The following RNF125 variants were observed in gnomAD, a reference collection of about 807,000 sequenced individuals.
RNF125 encodes the protein E3 ubiquitin-protein ligase RNF125.
In RNF125, 21 loss-of-function variants were observed where a neutral mutation model predicts 26.0. The observed-to-expected ratio is 0.81, with a 90% CI of 0.57 to 1.16. The LOEUF is 1.16. RNF125 is among the 50% of genes most tolerant of loss of function. The pLI, the probability that RNF125 is intolerant of heterozygous loss-of-function variation, is 0.00. For synonymous variants in RNF125, 95 were observed against 109.2 expected, an observed-to-expected ratio of 0.87 and a Z score of 0.81; for missense variants, 270 against 299.4, an observed-to-expected ratio of 0.90 and a Z score of 0.72.
downstream of RNF125, chr18:32,075,873 T>C (rs2039566884): frequency 4.3e-6 from 4 of 927,100 alleles, no homozygotes; most frequent in African/African-American, 1.6e-5. Flanking sequence ...TTTGTAAATA[T>C]ATATTACATC....
At chr18:32,030,673 G>C (rs1347887901) in intron 1 of RNF125, among the ~76,000 whole-genome samples, 1 of 152,198 alleles carries the variant, frequency 6.6e-6, no homozygotes, top group African/African-American at 2.4e-5. Context: ...TTCACGCCAT[G>C]ATGGGAATGG....
rs1007416280 is a variant in RNF125, at chr18:32,068,823, A to G, written c.*439A>G. On this transcript the variant is annotated 3_prime_UTR_variant, in exon 6 of 6. Transcript: ENST00000217740. ...TCAAAGAAATAAGAAATCTGCTCCAATGCTCTTGTTCTAATCTCTAATAGG... is the reference window on the plus strand; with the variant it reads ...TCAAAGAAATAAGAAATCTGCTCCAGTGCTCTTGTTCTAATCTCTAATAGG... 6.4e-6 allele frequency: 1 copy of G among 155,526 alleles called. No individual in the cohort carries two copies. The highest frequency in any genetic ancestry group is 2.4e-5 in the African/African-American group (1 of 41,480). The allele number at this position is 155,526 out of a possible 1,614,324, so 9.6% of individuals were successfully genotyped here. A position where few individuals can be genotyped will look rare whatever the true frequency, so the allele number is the denominator to read the frequency against.
At chr18:32,086,104 C>G in the RNF125 span, among the ~76,000 whole-genome samples, 1 of 152,052 alleles carries the variant, frequency 6.6e-6, no homozygotes, top group Non-Finnish European at 1.5e-5. Flanking sequence ...AGCTTTACCA[C>G]CTTCAGCACA....
chr18:32,038,135 G>T (rs556636584), intron 2 of RNF125, among the ~76,000 whole-genome samples: 37 of 143,254 alleles, frequency 2.6e-4, no homozygotes, highest in African/African-American at 9.7e-4. Flanking sequence ...TGCAAGCTCC[G>T]CCTCTCAGGT....
At chr18:32,076,115 A>G (rs2039568759), downstream of RNF125, 5 of 627,720 alleles carry the variant, frequency 8.0e-6, no homozygotes, top group African/African-American at 3.6e-5. Context: ...CTGATCATCA[A>G]TGATTTCAGA....
chr18:32,076,204 G>C, downstream of RNF125: 1 of 488,900 alleles, frequency 2.0e-6, no homozygotes, highest in Non-Finnish European at 3.8e-6. Flanking sequence ...TAAGAACCTG[G>C]TGTTTGCCTC....
chr18:32,058,195 C>G (rs1234327534), intron 4 of RNF125, among the ~76,000 whole-genome samples: 1 of 149,922 alleles, frequency 6.7e-6, no homozygotes, highest in Non-Finnish European at 1.5e-5. Context: ...TATGTACTTT[C>G]AATTTTTGTG....
chr18:32,079,357 G>A, the RNF125 span, among the ~76,000 whole-genome samples: 2 of 152,166 alleles, frequency 1.3e-5, no homozygotes, highest in Non-Finnish European at 2.9e-5. Context: ...ACTATCAAAT[G>A]GTGGGTTAGA....
intron 2 of RNF125, among the ~76,000 whole-genome samples, chr18:32,041,397 T>C (rs532459445): frequency 5.4e-4 from 82 of 152,284 alleles, no homozygotes; most frequent in African/African-American, 1.8e-3. Flanking sequence ...TTCATTTAAC[T>C]TGCTATGGGC....
intron 1 of RNF125, among the ~76,000 whole-genome samples, chr18:32,025,198 C>T (rs182382076): frequency 1.3e-5 from 2 of 151,978 alleles, no homozygotes; most frequent in East Asian, 1.9e-4. Flanking sequence ...GTACTACAGA[C>T]TATACAAACT....
At chr18:32,019,761 C>T (rs774852540) in intron 1 of RNF125, among the ~76,000 whole-genome samples, 16 of 152,178 alleles carry the variant, frequency 1.1e-4, no homozygotes, top group African/African-American at 1.7e-4. Context: ...CCAGCCACAA[C>T]GTAACAGGAG....
intron 1 of RNF125, among the ~76,000 whole-genome samples, chr18:32,034,900 CAAAAAAAA>C (rs10674977): frequency 2.6e-5 from 3 of 113,746 alleles, no homozygotes; most frequent in Non-Finnish European, 3.5e-5. Flanking sequence ...AACTCCATCT[CAAAAAAAA>C]AAAAAAAAAA....
chr18:32,071,533 T>G lies in RNF125; in HGVS notation c.*3149T>G, dbSNP rs2039534345. 1 of 152,222 alleles carries G rather than the reference T, an allele frequency of 6.6e-6. No homozygotes were observed. Among genetic ancestry groups the G allele is most frequent in the East Asian group, 1.9e-4 (1 of 5,198 alleles). The allele number at this position is 152,222 out of a possible 1,614,324, so 9.4% of individuals were successfully genotyped here. On this transcript the variant is annotated 3_prime_UTR_variant, in exon 6 of 6. Transcript: ENST00000217740. ...GATTAGTATCTCCATCTTGTAAGGA[T>G]GCAAAGAAGCCATGAAAATAAGTAA...
chr18:32,078,349 A>G, the RNF125 span, among the ~76,000 whole-genome samples: 1 of 152,242 alleles, frequency 6.6e-6, no homozygotes, highest in African/African-American at 2.4e-5. Flanking sequence ...TGACAAAAAA[A>G]GGAGTGGGAC....
chr18:32,052,217 G>A (rs1174261140), intron 4 of RNF125, among the ~76,000 whole-genome samples: 1 of 151,880 alleles, frequency 6.6e-6, no homozygotes, highest in Admixed American at 6.6e-5. Context: ...TTCAGTGGCC[G>A]GGTGTGGTGG....
intron 1 of RNF125, among the ~76,000 whole-genome samples, chr18:32,024,454 ATTTG>A (rs762593042): frequency 7.9e-5 from 12 of 151,832 alleles, no homozygotes; most frequent in Non-Finnish European, 1.5e-4. Context: ...TAGTAGTTTT[ATTTG>A]TTTGTTTTTA....
At chr18:32,020,627 C>T (rs1210530557) in intron 1 of RNF125, among the ~76,000 whole-genome samples, 4 of 151,372 alleles carry the variant, frequency 2.6e-5, no homozygotes, top group African/African-American at 7.3e-5. Context: ...AAAGTTTTGA[C>T]GCCCGGCGTG....
Position 32,072,680 on chromosome 18 carries a change from A to C in RNF125, c.*4296A>C, listed in dbSNP as rs1309488992. On this transcript the variant is annotated 3_prime_UTR_variant, in exon 6 of 6. Transcript: ENST00000217740. ...AAAAAGGTATTTATAATTCGTTGAT[A>C]AAAACCAATATTTGAAGCTGTTGAT... The C allele has an allele frequency of 1.3e-5, 2 of 152,258 alleles. No individual in the cohort carries two copies. Among genetic ancestry groups the C allele is most frequent in the African/African-American group, 4.8e-5 (2 of 41,470 alleles). 9.4% of individuals were successfully genotyped at this position (152,258 alleles called of 1,614,324 possible).
chr18:32,050,971 C>T (rs576139527), intron 4 of RNF125, among the ~76,000 whole-genome samples: 17 of 143,676 alleles, frequency 1.2e-4, no homozygotes, highest in Non-Finnish European at 2.0e-4. Context: ...GATCTGCTCT[C>T]CTCGGCCCCG....
Sources: allele counts gnomAD v4.1 joint callset (sites outside exome capture counted in the v4.1 genomes callset), GRCh38; gene constraint gnomAD v4.1.1; transcripts MANE v1.5; gene names NCBI Gene and HGNC (gene_info 2026-07-23, HGNC 2026-07-21).